Variants in F11 observed in about 807,000 individuals in gnomAD.
F11 encodes the protein coagualtion factor XI.
A neutral mutation model predicts 76.5 loss-of-function variants in F11; 78 were observed. That is an observed-to-expected ratio of 1.02 (90% CI 0.85 to 1.23). The LOEUF (loss-of-function observed/expected upper bound fraction) is 1.23, where lower values mean the gene tolerates loss of function less well. Among genes scored for constraint, F11 ranks in the 50% most tolerant of loss-of-function variants. The pLI is 0.00. For synonymous variants in F11, 278 were observed against 276.3 expected, an observed-to-expected ratio of 1.01 and a Z score of -0.06; for missense variants, 742 against 771.4, an observed-to-expected ratio of 0.96 and a Z score of 0.45.
rs766416498 is a variant in F11, at chr4:186,273,185, A to G, written c.325+8A>G. The G allele has an allele frequency of 1.3e-6, 2 of 1,599,490 alleles. No individual in the cohort carries two copies. Among genetic ancestry groups the G allele is most frequent in the South Asian group, 2.2e-5 (2 of 90,806 alleles). On this transcript the variant is annotated splice_region_variant and intron_variant, in intron 4 of 14. Coordinates refer to ENST00000403665, the MANE Select transcript of F11 (RefSeq NM_000128.4). The stretch of plus-strand genomic sequence containing the variant: ...GCTCACACCAAATAAGCGGTAAGAT[A>G]TGTTCTCAGAATCAACAAATACCAG...
At chr4:186,269,178 T>C (rs1373344522) in intron 2 of F11, among the ~76,000 whole-genome samples, 2 of 152,186 alleles carry the variant, frequency 1.3e-5, no homozygotes, top group Non-Finnish European at 2.9e-5. Context: ...TGTGACAAAG[T>C]TGGGTTTATT....
intron 14 of F11, 87 bp downstream of exon 14, chr4:186,287,910 T>C (rs1404413725): frequency 2.0e-6 from 3 of 1,497,674 alleles, no homozygotes; most frequent in African/African-American, 1.4e-5. Context: ...GTTTTTTTTG[T>C]TTGTTTTTTT....
chr4:186,274,754 T>G (rs1264245820), intron 5 of F11: 1 of 187,846 alleles, frequency 5.3e-6, no homozygotes, highest in Non-Finnish European at 1.1e-5. Flanking sequence ...CATAAGGATT[T>G]AAAAATTATC....
At chr4:186,274,602 G>A (rs1249843977) in intron 5 of F11, 2 of 364,490 alleles carry the variant, frequency 5.5e-6, no homozygotes, top group South Asian at 2.5e-5. Flanking sequence ...TCTAAAAAAT[G>A]TTACAGTCTA....
intron 2 of F11, among the ~76,000 whole-genome samples, chr4:186,268,704 G>T (rs1306089636): frequency 1.3e-5 from 2 of 152,066 alleles, no homozygotes; most frequent in Non-Finnish European, 2.9e-5. Context: ...AGATTAAGAT[G>T]AATCAGAGAT....
intron 5 of F11, chr4:186,274,793 C>T (rs1944948311): frequency 5.7e-6 from 1 of 176,826 alleles, no homozygotes; most frequent in Non-Finnish European, 1.2e-5. Flanking sequence ...TCTGTGTTCT[C>T]ATCTTTAAAA....
intron 3 of F11, chr4:186,272,864 T>C (rs1190296288): frequency 2.0e-5 from 10 of 506,770 alleles, no homozygotes; most frequent in Non-Finnish European, 3.6e-5. Flanking sequence ...TTGTTCCTAT[T>C]AGAAAGGAGT....
At chr4:186,290,606 G>GTATA (rs1411826137), downstream of F11, 1 of 152,106 alleles carries the variant, frequency 6.6e-6, no homozygotes. Context: ...ATTTCACTTT[G>GTATA]TATAATGTCT....
intron 10 of F11, among the ~76,000 whole-genome samples, chr4:186,280,856 CTTTT>C (rs33985758): frequency 1.8e-5 from 2 of 108,164 alleles, no homozygotes; most frequent in African/African-American, 3.5e-5. Flanking sequence ...TTCTTTCTTT[CTTTT>C]TTTTTTTTTT....
At chr4:186,286,024 C>T (rs111739374) in intron 12 of F11, 6 of 621,116 alleles carry the variant, frequency 9.7e-6, no homozygotes, top group African/African-American at 3.7e-5. Context: ...TAAAGAGATA[C>T]GTTTTCCTGA....
chr4:186,286,604 G>A (rs935998194), intron 13 of F11, 94 bp downstream of exon 13: 3 of 1,584,500 alleles, frequency 1.9e-6, no homozygotes, highest in African/African-American at 2.7e-5. Flanking sequence ...CACAACTCGA[G>A]TCACACTACT....
At chr4:186,278,346 G>A (rs1363982403) in intron 7 of F11, among the ~76,000 whole-genome samples, 9 of 152,116 alleles carry the variant, frequency 5.9e-5, no homozygotes, top group African/African-American at 9.7e-5. Flanking sequence ...CAGAAGCACC[G>A]GGTCTGTCAC....
Position 186,274,134 on chromosome 4 carries a change from A to G in F11, c.344A>G (p.Tyr115Cys), listed in dbSNP as rs1241701325. 2 of 1,614,046 alleles carry G rather than the reference A, an allele frequency of 1.2e-6. No individual in the cohort carries two copies. The highest frequency in any genetic ancestry group is 1.7e-6 in the Non-Finnish European group (2 of 1,180,042). Reference sequence around the variant, plus strand: ...TTTCCAGCTTGCAACAAAGACATTTATGTGGACCTAGACATGAAGGGCATA... The same window carrying G: ...TTTCCAGCTTGCAACAAAGACATTTGTGTGGACCTAGACATGAAGGGCATA... Reference protein sequence around the residue: ...HQISACNKDIYVDLDMKGINY... With the variant: ...HQISACNKDICVDLDMKGINY... The change falls in exon 5 of 15, where the codon TAT becomes TGT. Residue 115 changes from tyrosine (Y) to cysteine (C), a missense_variant. Transcript: ENST00000403665.
chr4:186,273,269 T>C, intron 4 of F11, 92 bp downstream of exon 4: 1 of 1,002,060 alleles, frequency 1.0e-6, no homozygotes, highest in Non-Finnish European at 1.6e-6. Flanking sequence ...AATGAAACAC[T>C]GCTATGTGGA....
intron 14 of F11, among the ~76,000 whole-genome samples, chr4:186,288,096 T>A (rs1325712028): frequency 6.6e-6 from 1 of 151,520 alleles, no homozygotes; most frequent in African/African-American, 2.4e-5. Context: ...TTAGTTTTAG[T>A]AGAGACGGGG....
intron 4 of F11, among the ~76,000 whole-genome samples, chr4:186,273,604 C>T (rs1300951274): frequency 6.6e-6 from 1 of 152,062 alleles, no homozygotes; most frequent in African/African-American, 2.4e-5. Context: ...AGGCATGCAC[C>T]AACATTCCCA....
At chr4:186,283,293 C>T (rs12498667) in intron 10 of F11, among the ~76,000 whole-genome samples, 10,367 of 152,096 alleles carry the variant, frequency 0.068, 456 homozygotes, top group African/African-American at 0.11. Context: ...TCTACGAACA[C>T]CCTATTCCCA....
intron 2 of F11, among the ~76,000 whole-genome samples, chr4:186,269,866 A>G (rs1290389342): frequency 3.3e-5 from 5 of 152,270 alleles, no homozygotes; most frequent in African/African-American, 1.2e-4. Context: ...TGGAAATGGA[A>G]GAGAACTTTC....
intron 8 of F11, 42 bp downstream of exon 8, chr4:186,280,163 C>A: frequency 6.2e-7 from 1 of 1,611,408 alleles, no homozygotes; most frequent in South Asian, 1.1e-5. Flanking sequence ...GTGACCAGCC[C>A]CGAGGAGGCT....
Sources: allele counts gnomAD v4.1 joint callset (sites outside exome capture counted in the v4.1 genomes callset), GRCh38; gene constraint gnomAD v4.1.1; transcripts MANE v1.5; gene names NCBI Gene and HGNC (gene_info 2026-07-23, HGNC 2026-07-21).